FTCDNL1: variants seen among roughly 807,000 people sequenced by gnomAD.
The protein encoded by FTCDNL1 is formiminotransferase N-terminal subdomain-containing protein.
FTCDNL1 carries 11 observed loss-of-function variants against 5.9 expected under a neutral mutation model. The ratio of observed to expected loss-of-function variants is 1.87; its 90% CI spans 1.18 to 3.10. FTCDNL1 has a LOEUF of 3.10. Ranked by LOEUF, FTCDNL1 falls within the 30% of genes most tolerant of loss-of-function variation. FTCDNL1 has a pLI of 0.00. For synonymous variants in FTCDNL1, 58 were observed against 24.8 expected (o/e 2.34, Z -3.99); for missense variants, 115 against 65.5 (o/e 1.76, Z -2.61).
chr2:199,838,552 A>G (rs531782341), intron 3 of FTCDNL1, among the ~76,000 whole-genome samples: 1 of 152,306 alleles, frequency 6.6e-6, no homozygotes, highest in Admixed American at 6.5e-5. Context: ...GATTCGGCAG[A>G]CTCAAGGCAG....
At chr2:199,718,009 C>T in the FTCDNL1 span, among the ~76,000 whole-genome samples, 4 of 141,930 alleles carry the variant, frequency 2.8e-5, no homozygotes, top group South Asian at 4.7e-4. Context: ...ACAAAAAAAA[C>T]GAAATCACTT....
chr2:199,843,733 T>C lies in FTCDNL1; in HGVS notation c.211+2342A>G, dbSNP rs540599733. On this transcript the variant is annotated intron_variant, in intron 3 of 4. Coordinates refer to ENST00000420128, the MANE Select transcript of FTCDNL1 (RefSeq NM_001363886.2). ...GCAATTATCCTAAGGCGGCTTTTTTTCCCCGAAGATTATAAGCCTCTGCAT... is the reference window on the plus strand; with the variant it reads ...GCAATTATCCTAAGGCGGCTTTTTTCCCCCGAAGATTATAAGCCTCTGCAT... 5.3e-5 allele frequency among the ~76,000 whole-genome samples: 8 copies of C among 152,306 alleles called. No individual in the cohort carries two copies. The East Asian group carries it at 1.3e-3, about 26-fold the overall frequency.
rs746885682 is a variant in FTCDNL1, at chr2:199,848,939, G to C, written c.24C>G (p.Leu8=). 1.4e-6 allele frequency: 1 copy of C among 702,076 alleles called. No homozygotes were observed. Among genetic ancestry groups the C allele is most frequent in the African/African-American group, 1.7e-5 (1 of 57,226 alleles). The allele number at this position is 702,076 out of a possible 1,614,324, so 43.5% of individuals were successfully genotyped here. A position where few individuals can be genotyped will look rare whatever the true frequency, so the allele number is the denominator to read the frequency against. The change falls in exon 2 of 5, where the codon CTC becomes CTG. Residue 8 remains leucine, a synonymous_variant. Coordinates refer to ENST00000420128, the MANE Select transcript of FTCDNL1 (RefSeq NM_001363886.2). The part of the protein sequence containing the change: MSSSRVG[L]RLAACLLNVS... ...CGTTTAGTAAACAGGCAGCCAAACG[G>C]AGCCCCACTCTGGAAGAAGACATGA...
At chr2:199,691,844 TA>T in the FTCDNL1 span, among the ~76,000 whole-genome samples, 12 of 151,840 alleles carry the variant, frequency 7.9e-5, no homozygotes, top group South Asian at 4.2e-4. Flanking sequence ...TCTAATAACT[TA>T]AAAAAAACAA....
chr2:199,728,159 C>G, the FTCDNL1 span, among the ~76,000 whole-genome samples: 1 of 152,148 alleles, frequency 6.6e-6, no homozygotes, highest in Non-Finnish European at 1.5e-5. Flanking sequence ...CCCCCATGCT[C>G]TACTATAAAT....
At chr2:199,770,614 T>G (rs2106284954) in intron 3 of FTCDNL1, among the ~76,000 whole-genome samples, 1 of 152,322 alleles carries the variant, frequency 6.6e-6, no homozygotes, top group South Asian at 2.1e-4. Context: ...TGTTAGTTAT[T>G]CATGCATTAT....
chr2:199,844,746 C>T (rs947649112), intron 3 of FTCDNL1, among the ~76,000 whole-genome samples: 3 of 152,012 alleles, frequency 2.0e-5, no homozygotes, highest in Non-Finnish European at 4.4e-5. Flanking sequence ...TTTTTCCTCC[C>T]CAAAGTGGGA....
chr2:199,829,226 C>T (rs887188331), intron 3 of FTCDNL1, among the ~76,000 whole-genome samples: 6 of 152,208 alleles, frequency 3.9e-5, no homozygotes, highest in Admixed American at 2.0e-4. Context: ...CTTTTCCCAC[C>T]GCTATGGTCA....
chr2:199,818,849 C>T (rs971891612), intron 4 of FTCDNL1: 24 of 151,946 alleles, frequency 1.6e-4, no homozygotes, highest in African/African-American at 5.6e-4. Context: ...AATTTGTGGC[C>T]CCAACAGAGT....
chr2:199,718,374 G>A, the FTCDNL1 span, among the ~76,000 whole-genome samples: 1 of 152,230 alleles, frequency 6.6e-6, no homozygotes, highest in South Asian at 2.1e-4. Flanking sequence ...CAAAAGACAT[G>A]ATTTTATTCT....
the FTCDNL1 span, among the ~76,000 whole-genome samples, chr2:199,749,543 T>TA: frequency 1.3e-3 from 190 of 149,806 alleles, 1 homozygote; most frequent in African/African-American, 1.6e-3. Flanking sequence ...CATCTCCCCC[T>TA]AAAAAAAAAA....
chr2:199,691,459 T>C, the FTCDNL1 span, among the ~76,000 whole-genome samples: 5 of 152,248 alleles, frequency 3.3e-5, no homozygotes, highest in South Asian at 2.1e-4. Context: ...TAATTACAGT[T>C]GACAGAATAG....
chr2:199,830,665 G>A (rs1397134757), intron 3 of FTCDNL1, among the ~76,000 whole-genome samples: 1 of 152,076 alleles, frequency 6.6e-6, no homozygotes, highest in Non-Finnish European at 1.5e-5. Flanking sequence ...AAAGCGCGGG[G>A]CCCTAACCGC....
At chr2:199,696,280 C>A in the FTCDNL1 span, among the ~76,000 whole-genome samples, 2 of 152,250 alleles carry the variant, frequency 1.3e-5, no homozygotes, top group Admixed American at 1.3e-4. Context: ...GCCACTGGCA[C>A]ATATGCATGC....
At chr2:199,736,855 G>C in the FTCDNL1 span, among the ~76,000 whole-genome samples, 2 of 152,186 alleles carry the variant, frequency 1.3e-5, no homozygotes, top group Non-Finnish European at 2.9e-5. Context: ...CTGGTAATTT[G>C]ACTGGGTTGA....
chr2:199,788,137 G>A (rs1238074585), intron 3 of FTCDNL1, among the ~76,000 whole-genome samples: 1 of 152,090 alleles, frequency 6.6e-6, no homozygotes, highest in Non-Finnish European at 1.5e-5. Context: ...GAAGATGAAA[G>A]CTTATTTTTC....
the FTCDNL1 span, among the ~76,000 whole-genome samples, chr2:199,717,508 G>GTTTTTTTTTTT: frequency 1.2e-5 from 1 of 83,808 alleles, no homozygotes; most frequent in Non-Finnish European, 2.1e-5. Flanking sequence ...ACAAGGCAGA[G>GTTTTTTTTTTT]ATTTTTTTTT....
At chr2:199,704,246 C>T in the FTCDNL1 span, among the ~76,000 whole-genome samples, 324 of 152,194 alleles carry the variant, frequency 2.1e-3, 2 homozygotes, top group African/African-American at 7.5e-3. Flanking sequence ...AAGAAAGCAA[C>T]ATAAAAATCT....
intron 3 of FTCDNL1, among the ~76,000 whole-genome samples, chr2:199,780,722 T>C (rs2106325235): frequency 6.6e-6 from 1 of 152,304 alleles, no homozygotes; most frequent in South Asian, 2.1e-4. Context: ...TGCACTTGTC[T>C]ATTTGATATC....
Sources: allele counts gnomAD v4.1 joint callset (sites outside exome capture counted in the v4.1 genomes callset), GRCh38; gene constraint gnomAD v4.1.1; transcripts MANE v1.5; gene names NCBI Gene and HGNC (gene_info 2026-07-23, HGNC 2026-07-21).